The following PCDHGB7 variants were observed in gnomAD, a reference collection of about 807,000 sequenced individuals.
PCDHGB7 encodes protocadherin gamma-B7.
In PCDHGB7, 37 loss-of-function variants were observed where a neutral mutation model predicts 61.4. That is an observed-to-expected ratio of 0.60 (90% CI 0.46 to 0.79). PCDHGB7 has a LOEUF of 0.79. PCDHGB7 is among the 30% of genes least tolerant of loss of function. PCDHGB7 has a pLI of 0.00. For synonymous variants in PCDHGB7, 464 were observed against 503.5 expected (o/e 0.92, Z 1.05); for missense variants, 1,166 against 1,202.5 (o/e 0.97, Z 0.45).
At position 141,426,439 on chromosome 5, in the gene PCDHGB7, G is replaced by C. The variant is rs149215795; in HGVS notation, c.2415+6165G>C. On this transcript the variant is annotated intron_variant, in intron 1 of 3. Transcript: ENST00000398594. ...GGGCTCCGTGGTGGGGAACCTTGCG[G>C]AGGACATGCGGCTGCATGTTCAGGA... 7.8e-4 allele frequency: 237 copies of C among 302,398 alleles called. 1 individual carries two copies. The highest frequency in any genetic ancestry group is 4.6e-3 in the African/African-American group (214 of 46,260). The allele number at this position is 302,398 out of a possible 1,614,324, so 18.7% of individuals were successfully genotyped here.
In PCDHGB7 at chr5:141,476,073, A is replaced by C. The variant is rs765071344; in HGVS notation, c.2416-18734A>C. On this transcript the variant is annotated intron_variant, in intron 1 of 3. Coordinates refer to ENST00000398594, the MANE Select transcript of PCDHGB7 (RefSeq NM_018927.4). The surrounding 1 kb of genome is among the most constrained non-coding windows in gnomAD (Gnocchi z 7.6). ...GCTGAAAGTTTCTCAGCGAAATCTC[A>C]GGGACGATCTGGACCCCGCTGAGAG... 4 of 1,524,010 alleles carry C rather than the reference A, an allele frequency of 2.6e-6. No individual in the cohort carries two copies. Among genetic ancestry groups the C allele is most frequent in the Admixed American group, 4.2e-5 (2 of 47,746 alleles). The allele number at this position is 1,524,010 out of a possible 1,614,324, so 94.4% of individuals were successfully genotyped here. A position where few individuals can be genotyped will look rare whatever the true frequency, so the allele number is the denominator to read the frequency against.
intron 1 of PCDHGB7, among the ~76,000 whole-genome samples, chr5:141,456,818 G>A (rs1214373156): frequency 1.3e-5 from 2 of 151,890 alleles, no homozygotes; most frequent in Admixed American, 6.6e-5. Context: ...CAAAAAATTA[G>A]CCATCGTGGT....
chr5:141,421,679 C>A, intron 1 of PCDHGB7: 1 of 1,613,810 alleles, frequency 6.2e-7, no homozygotes, highest in East Asian at 2.2e-5. Flanking sequence ...ATTCCTGGGG[C>A]GCGATTTGCT....
rs370242892 is a variant in PCDHGB7 at position 141,420,225 on chromosome 5, C to A, written c.2366C>A (p.Ala789Asp). Residue 789 changes from alanine (A) to aspartate (D), a missense_variant, in exon 1 of 4, where the codon GCT (alanine) becomes GAT (aspartate). Ala to Asp is a moderately radical substitution (Grantham distance 126, BLOSUM62 -2). Coordinates refer to ENST00000398594, the MANE Select transcript of PCDHGB7 (RefSeq NM_018927.4). ...CTCAACAAAGATAGCATGCTACTGGCTAGCATTTTAACTCCCAGCGTTGAA... is the reference window on the plus strand; with the variant it reads ...CTCAACAAAGATAGCATGCTACTGGATAGCATTTTAACTCCCAGCGTTGAA... ...DNLNKDSMLLASILTPSVEAD... is the reference protein window; with the variant it reads ...DNLNKDSMLLDSILTPSVEAD... 13 of 1,603,470 alleles carry A rather than the reference C, an allele frequency of 8.1e-6. No homozygotes were observed. In the African/African-American group the frequency reaches 1.7e-4, roughly 21 times the overall value.
chr5:141,431,916 T>C lies in PCDHGB7; in HGVS notation c.2415+11642T>C, dbSNP rs2097428336. 1 of 1,614,056 alleles carries C rather than the reference T, an allele frequency of 6.2e-7. No homozygotes were observed. Among genetic ancestry groups the C allele is most frequent in the Middle Eastern group, 1.6e-4 (1 of 6,062 alleles). ...GAAAACGGACAGGTGATCTGTTTCA[T>C]CCAAGGAAATCTGCCCTTTAAATTA... On this transcript the variant is annotated intron_variant, in intron 1 of 3. Transcript: ENST00000398594. The surrounding 1 kb of genome is among the most constrained non-coding windows in gnomAD (Gnocchi z 4.8).
At position 141,419,717 on chromosome 5, in the gene PCDHGB7, G is replaced by A. The variant is rs1159633605; in HGVS notation, c.1858G>A (p.Gly620Arg). Residue 620 changes from glycine to arginine, a missense_variant, in exon 1 of 4, where the codon GGG (glycine) becomes AGG (arginine). Gly to Arg is a moderately radical substitution (Grantham distance 125). Coordinates refer to ENST00000398594, the MANE Select transcript of PCDHGB7 (RefSeq NM_018927.4). ...CAGTGAGCCCGGGCTCTTCAGCCTGGGGCTGCGAACAGGCGAGGTGCGCAT... is the reference window on the plus strand; with the variant it reads ...CAGTGAGCCCGGGCTCTTCAGCCTGAGGCTGCGAACAGGCGAGGTGCGCAT... ...QASEPGLFSL[G>R]LRTGEVRMVR... 3 of 1,613,236 alleles carry A rather than the reference G, an allele frequency of 1.9e-6. No homozygotes were observed. Among genetic ancestry groups the A allele is most frequent in the Non-Finnish European group, 2.5e-6 (3 of 1,179,662 alleles).
At position 141,490,027 on chromosome 5, in the gene PCDHGB7, C is replaced by T. The variant is rs767829552; in HGVS notation, c.2416-4780C>T. Reference sequence around the variant, plus strand: ...TGCACCCATTGGTACTCTGCTGCTCCGCCTCAATGCCACTGATCCAGACGA... The same window carrying T: ...TGCACCCATTGGTACTCTGCTGCTCTGCCTCAATGCCACTGATCCAGACGA... On this transcript the variant is annotated intron_variant, in intron 1 of 3. Coordinates refer to ENST00000398594, the MANE Select transcript of PCDHGB7 (RefSeq NM_018927.4). This position sits in a 1 kb window ranked among gnomAD's most constrained non-coding sequence, Gnocchi z 5.4. The T allele has an allele frequency of 2.4e-5, 39 of 1,614,096 alleles. No homozygotes were observed. The highest frequency in any genetic ancestry group is 4.0e-5 in the African/African-American group (3 of 74,942).
rs1562106021 is a variant in PCDHGB7 at position 141,485,561 on chromosome 5, G to T, written c.2416-9246G>T. 6.2e-7 allele frequency: 1 copy of T among 1,613,008 alleles called. No individual in the cohort carries two copies. Among genetic ancestry groups the T allele is most frequent in the Non-Finnish European group, 8.5e-7 (1 of 1,179,122 alleles). ...AGAGATCGTAGATGTGAATGATCAC[G>T]CCCCCCGTTTTCCGCGGCAGCAGCT... On this transcript the variant is annotated intron_variant, in intron 1 of 3. Coordinates refer to ENST00000398594, the MANE Select transcript of PCDHGB7 (RefSeq NM_018927.4). The surrounding 1 kb of genome is among the most constrained non-coding windows in gnomAD (Gnocchi z 5.7).
At position 141,417,972 on chromosome 5, in the gene PCDHGB7, C is replaced by T. The variant is rs2154547391; in HGVS notation, c.113C>T (p.Pro38Leu). Residue 38 changes from proline to leucine, a missense_variant, in exon 1 of 4, where the codon CCG becomes CTG. Coordinates refer to ENST00000398594, the MANE Select transcript of PCDHGB7 (RefSeq NM_018927.4). ...TGTGAGCCGATCCGCTACTCGATTC[C>T]GGAGGAGCTGGCCAAGGGCTCGGTG... is the stretch of plus-strand genomic sequence containing the variant. ...TLCEPIRYSI[P>L]EELAKGSVVG... 1.2e-6 allele frequency: 2 copies of T among 1,613,830 alleles called. No homozygotes were observed. Among genetic ancestry groups the T allele is most frequent in the Admixed American group, 1.7e-5 (1 of 60,016 alleles).
At position 141,420,004 on chromosome 5, in the gene PCDHGB7, G is replaced by C. The variant is rs768411058; in HGVS notation, c.2145G>C (p.Leu715=). 2.5e-6 allele frequency: 4 copies of C among 1,614,084 alleles called. No individual in the cohort carries two copies. Among genetic ancestry groups the C allele is most frequent in the Non-Finnish European group, 3.4e-6 (4 of 1,179,910 alleles). ...TGATTCTAGCTATTGCTCTACGCCT[G>C]CGACAGTCTTTCAGCCCTACTGCAG... ...LAVILAIALR[L]RQSFSPTAGD... The change falls in exon 1 of 4, where the codon CTG becomes CTC. Residue 715 remains leucine, a synonymous_variant. Coordinates refer to ENST00000398594, the MANE Select transcript of PCDHGB7 (RefSeq NM_018927.4).
At chr5:141,420,672 G>T (rs1478670282) in intron 1 of PCDHGB7, among the ~76,000 whole-genome samples, 1 of 152,296 alleles carries the variant, frequency 6.6e-6, no homozygotes, top group African/African-American at 2.4e-5. Flanking sequence ...CCTACCTGAT[G>T]ATTTTATCGG....
rs2099669219 is a variant in PCDHGB7, at chr5:141,487,927, C to T, written c.2416-6880C>T. 3 of 626,498 alleles carry T rather than the reference C, an allele frequency of 4.8e-6. No homozygotes were observed. Among genetic ancestry groups the T allele is most frequent in the Admixed American group, 5.9e-5 (2 of 34,100 alleles). The allele number at this position is 626,498 out of a possible 1,614,324, so 38.8% of individuals were successfully genotyped here. On this transcript the variant is annotated intron_variant, in intron 1 of 3. Coordinates refer to ENST00000398594, the MANE Select transcript of PCDHGB7 (RefSeq NM_018927.4). The surrounding 1 kb of genome is among the most constrained non-coding windows in gnomAD (Gnocchi z 5.0). ...TGGGAGCACAGGAGGCTACAGTGCA[C>T]AGGGTACAGTGCACCAGGCAGTCAC...
intron 1 of PCDHGB7, chr5:141,426,793 A>G: frequency 2.2e-6 from 1 of 456,734 alleles, no homozygotes; most frequent in South Asian, 1.5e-5. Context: ...CAGAGTTACC[A>G]GCTCAGTTCT....
Position 141,490,083 on chromosome 5 carries a change from T to G in PCDHGB7, c.2416-4724T>G. Reference sequence around the variant, plus strand: ...CCAACGGCCAACTAGACTATTCTTTTGGAGACCACACATCTGAGGCAGTGC... The same window carrying G: ...CCAACGGCCAACTAGACTATTCTTTGGGAGACCACACATCTGAGGCAGTGC... On this transcript the variant is annotated intron_variant, in intron 1 of 3. Coordinates refer to ENST00000398594, the MANE Select transcript of PCDHGB7 (RefSeq NM_018927.4). This position sits in a 1 kb window ranked among gnomAD's most constrained non-coding sequence, Gnocchi z 5.4. 1.2e-6 allele frequency: 2 copies of G among 1,614,262 alleles called. No individual in the cohort carries two copies. The highest frequency in any genetic ancestry group is 1.7e-6 in the Non-Finnish European group (2 of 1,180,054).
chr5:141,433,220 T>A (rs781745522), intron 1 of PCDHGB7: 2 of 1,509,720 alleles, frequency 1.3e-6, no homozygotes, highest in Non-Finnish European at 1.8e-6. Flanking sequence ...TTTTTTTTTT[T>A]AATTGCTCTG....
At chr5:141,443,113 T>C (rs2098364390) in intron 1 of PCDHGB7, among the ~76,000 whole-genome samples, 1 of 152,040 alleles carries the variant, frequency 6.6e-6, no homozygotes, top group African/African-American at 2.4e-5. Flanking sequence ...ACCTTGCTTT[T>C]CAAACCAGAT....
chr5:141,500,493 G>A (rs1239876467), intron 2 of PCDHGB7, among the ~76,000 whole-genome samples: 1 of 152,166 alleles, frequency 6.6e-6, no homozygotes, highest in Admixed American at 6.5e-5. Context: ...ACAGGCGTGA[G>A]CCACCGCGCC....
At chr5:141,429,387 T>A (rs372199649) in intron 1 of PCDHGB7, among the ~76,000 whole-genome samples, 4,783 of 151,430 alleles carry the variant, frequency 0.032, 106 homozygotes, top group African/African-American at 0.043. Context: ...GTTTTTTTTT[T>A]AAAAAAAATT....
Position 141,432,479 on chromosome 5 carries a change from G to A in PCDHGB7, c.2415+12205G>A, listed in dbSNP as rs771261875. ...CGCCCTCCCCACGGACGGTTCCACT[G>A]GCGTGGAGCTGGCTCCCCGCTCCGC... On this transcript the variant is annotated intron_variant, in intron 1 of 3. Transcript: ENST00000398594. The surrounding 1 kb of genome is among the most constrained non-coding windows in gnomAD (Gnocchi z 6.0). The A allele has an allele frequency of 3.8e-5, 62 of 1,614,076 alleles. No individual in the cohort carries two copies. Among genetic ancestry groups the A allele is most frequent in the Non-Finnish European group, 4.9e-5 (58 of 1,180,052 alleles).
Sources: allele counts gnomAD v4.1 joint callset (sites outside exome capture counted in the v4.1 genomes callset), GRCh38; gene constraint gnomAD v4.1.1; non-coding constraint Gnocchi (gnomAD v3.1); transcripts MANE v1.5; gene names NCBI Gene and HGNC (gene_info 2026-07-23, HGNC 2026-07-21).